Variants in AKAP6 observed in about 807,000 individuals in gnomAD.
AKAP6 encodes the protein A-kinase anchor protein 6.
Under a neutral mutation model 188.5 loss-of-function variants are expected in AKAP6, and 58 were observed. That is an observed-to-expected ratio of 0.31 (90% CI 0.25 to 0.38). The LOEUF (loss-of-function observed/expected upper bound fraction) is 0.38. Among genes scored for constraint, AKAP6 ranks in the 10% least tolerant of loss-of-function variants. The pLI, the probability that AKAP6 is intolerant of heterozygous loss-of-function variation, is 1.00. For synonymous variants in AKAP6, 989 were observed against 998.6 expected (o/e 0.99, Z 0.18); for missense variants, 2,710 against 2,740.0 (o/e 0.99, Z 0.24).
chr14:32,662,559 A>AT (rs1566632233), intron 7 of AKAP6, among the ~76,000 whole-genome samples: 1 of 152,096 alleles, frequency 6.6e-6, no homozygotes, highest in East Asian at 1.9e-4. Context: ...CAAACTAGAA[A>AT]TGTGGTCCAG....
intron 1 of AKAP6, among the ~76,000 whole-genome samples, chr14:32,422,584 G>A (rs181922427): frequency 6.6e-6 from 1 of 152,250 alleles, no homozygotes; most frequent in Non-Finnish European, 1.5e-5. Context: ...TTTTATTGGG[G>A]CTTCATTACA....
At position 32,823,981 on chromosome 14, in the gene AKAP6, A is replaced by G. The variant is rs758363281; in HGVS notation, c.6168A>G (p.Val2056=). 1.2e-6 allele frequency: 2 copies of G among 1,613,878 alleles called. No homozygotes were observed. The highest frequency in any genetic ancestry group is 1.1e-5 in the South Asian group (1 of 91,092). The change falls in exon 13 of 14, where the codon GTA becomes GTG. Residue 2056 remains valine, a synonymous_variant. Coordinates refer to ENST00000280979, the MANE Select transcript of AKAP6 (RefSeq NM_004274.5). ...AAAAAGATGCCGAAGATTGTTCAGT[A>G]CACAACTTTGTTAAGGAAATCATTG... ...FHQKDAEDCS[V]HNFVKEIIDM...
rs1884850101 is a variant in AKAP6, at chr14:32,578,966, T to G, written c.2469+1724T>G. Among the ~76,000 whole-genome samples the G allele has an allele frequency of 1.3e-5, 2 of 152,146 alleles. 1 individual carries two copies. Among genetic ancestry groups the G allele is most frequent in the South Asian group, 4.1e-4 (2 of 4,834 alleles). ...CTAGCCCAATGCAGTTCACTGGAGC[T>G]TTTGGTGACGATGGAATATTCTATA... is the stretch of plus-strand genomic sequence containing the variant. On this transcript the variant is annotated intron_variant, in intron 5 of 13. Coordinates refer to ENST00000280979, the MANE Select transcript of AKAP6 (RefSeq NM_004274.5).
intron 7 of AKAP6, among the ~76,000 whole-genome samples, chr14:32,639,546 G>T (rs1460874570): frequency 6.6e-6 from 1 of 152,122 alleles, no homozygotes; most frequent in African/African-American, 2.4e-5. Flanking sequence ...CCAAGCTTTT[G>T]TGGAAACAAT....
chr14:32,655,157 A>G (rs2139548836), intron 7 of AKAP6, among the ~76,000 whole-genome samples: 1 of 152,320 alleles, frequency 6.6e-6, no homozygotes, highest in African/African-American at 2.4e-5. Context: ...GAAACAATTG[A>G]CTGTACCAAA....
intron 1 of AKAP6, among the ~76,000 whole-genome samples, chr14:32,335,828 A>G (rs1886673392): frequency 1.1e-5 from 1 of 88,608 alleles, no homozygotes; most frequent in Admixed American, 1.1e-4. Flanking sequence ...TTTTTTTAAT[A>G]CTATCCTTTT....
At position 32,833,184 on chromosome 14, in the gene AKAP6, G is replaced by C. The variant is rs892146335; in HGVS notation, c.*3379G>C. On this transcript the variant is annotated 3_prime_UTR_variant, in exon 14 of 14. Transcript: ENST00000280979. Reference sequence around the variant, plus strand: ...CTCCGCTTATTTATTCATTTATTCAGCCATTCAGCAAACATTTATTAAATG... The same window carrying C: ...CTCCGCTTATTTATTCATTTATTCACCCATTCAGCAAACATTTATTAAATG... The C allele has an allele frequency of 5.9e-5, 9 of 152,146 alleles. No individual in the cohort carries two copies. The highest frequency in any genetic ancestry group is 3.4e-3 in the Middle Eastern group (1 of 294). 9.4% of individuals were successfully genotyped at this position (152,146 alleles called of 1,614,324 possible).
At chr14:32,768,818 T>A (rs2032797270) in intron 11 of AKAP6, among the ~76,000 whole-genome samples, 1 of 152,072 alleles carries the variant, frequency 6.6e-6, no homozygotes. Context: ...TCATTGGGCA[T>A]CACCCCAGTA....
intron 13 of AKAP6, among the ~76,000 whole-genome samples, chr14:32,826,052 A>G (rs2034664862): frequency 1.3e-5 from 2 of 152,204 alleles, no homozygotes; most frequent in Non-Finnish European, 1.5e-5. Flanking sequence ...TTAAAAACAC[A>G]TTATTTAATT....
intron 8 of AKAP6, among the ~76,000 whole-genome samples, chr14:32,691,782 C>T (rs1890188851): frequency 6.6e-6 from 1 of 152,164 alleles, no homozygotes. Context: ...TAGTCTCAAA[C>T]TCCTGACCTC....
chr14:32,343,967 A>G (rs972361446), intron 1 of AKAP6, among the ~76,000 whole-genome samples: 1 of 152,058 alleles, frequency 6.6e-6, no homozygotes, highest in Non-Finnish European at 1.5e-5. Flanking sequence ...CTACTTGTTC[A>G]TATACTCTGA....
intron 8 of AKAP6, among the ~76,000 whole-genome samples, chr14:32,688,176 T>C (rs1890015849): frequency 6.6e-6 from 1 of 151,610 alleles, no homozygotes; most frequent in Non-Finnish European, 1.5e-5. Flanking sequence ...CACACACGTC[T>C]TTCATGATAA....
intron 11 of AKAP6, 37 bp from the exon 12 acceptor site, chr14:32,773,641 A>G (rs749891646): frequency 3.2e-6 from 5 of 1,584,818 alleles, no homozygotes; most frequent in Non-Finnish European, 4.3e-6. Context: ...ACTCTGCCCT[A>G]TAAACACTCA....
chr14:32,757,943 G>T (rs1365974421), intron 11 of AKAP6, among the ~76,000 whole-genome samples: 1 of 152,194 alleles, frequency 6.6e-6, no homozygotes, highest in African/African-American at 2.4e-5. Context: ...TGGAGGCCTG[G>T]AGATAAGCGA....
At chr14:32,500,595 G>A (rs1566541314) in intron 2 of AKAP6, among the ~76,000 whole-genome samples, 1 of 152,160 alleles carries the variant, frequency 6.6e-6, no homozygotes. Flanking sequence ...TGTTGCCAGT[G>A]TAGGTGCTAA....
chr14:32,607,355 A>G (rs1288850362), intron 7 of AKAP6, among the ~76,000 whole-genome samples: 1 of 152,232 alleles, frequency 6.6e-6, no homozygotes, highest in Non-Finnish European at 1.5e-5. Context: ...TGATGCACAT[A>G]TTTGTAAGGA....
intron 2 of AKAP6, among the ~76,000 whole-genome samples, chr14:32,471,864 C>A (rs1878801569): frequency 6.6e-6 from 1 of 152,104 alleles, no homozygotes; most frequent in South Asian, 2.1e-4. Context: ...GATAACGCAG[C>A]GTGTTAAGCA....
intron 11 of AKAP6, among the ~76,000 whole-genome samples, chr14:32,771,937 T>C (rs1043511102): frequency 2.0e-5 from 3 of 152,134 alleles, no homozygotes; most frequent in African/African-American, 7.2e-5. Flanking sequence ...AATGTTATCT[T>C]GAAGTGTTTA....
Position 32,546,794 on chromosome 14 carries a change from C to A in AKAP6, c.2141C>A (p.Ser714Tyr). 1 of 1,614,090 alleles carries A rather than the reference C, an allele frequency of 6.2e-7. No homozygotes were observed. The highest frequency in any genetic ancestry group is 8.5e-7 in the Non-Finnish European group (1 of 1,180,012). Residue 714 changes from serine (S) to tyrosine (Y), a missense_variant, in exon 4 of 14, where the codon TCT becomes TAT. Physicochemically the swap from Ser to Tyr is moderately radical, Grantham distance 144. Around this residue, in one of 2 missense-constraint regions of AKAP6, gnomAD observed 2,473 missense variants for 2,426.1 expected, o/e 1.02. Coordinates refer to ENST00000280979, the MANE Select transcript of AKAP6 (RefSeq NM_004274.5). ...TCTTCACTAGGGGAGAGCATTGAATCTGGGCCCCTGAGTGACATTCTTTCT... is the reference window on the plus strand; with the variant it reads ...TCTTCACTAGGGGAGAGCATTGAATATGGGCCCCTGAGTGACATTCTTTCT... ...IASSLGESIE[S>Y]GPLSDILSDE...
Sources: allele counts gnomAD v4.1 joint callset (sites outside exome capture counted in the v4.1 genomes callset), GRCh38; gene constraint gnomAD v4.1.1; regional missense constraint gnomAD v4.1.1; transcripts MANE v1.5; gene names NCBI Gene and HGNC (gene_info 2026-07-23, HGNC 2026-07-21).